The following MORC1 variants were observed in gnomAD, a reference collection of about 807,000 sequenced individuals.
The protein encoded by MORC1 is MORC family CW-type zinc finger 1.
A neutral mutation model predicts 134.9 loss-of-function variants in MORC1; 59 were observed. That is an observed-to-expected ratio of 0.44 (90% CI 0.35 to 0.54). The LOEUF is 0.54. Ranked by LOEUF, MORC1 falls within the 20% of genes least tolerant of loss-of-function variation. MORC1 has a pLI of 0.00. For missense variants in MORC1, 947 were observed against 1,134.5 expected (o/e 0.83, Z 2.37); for synonymous variants, 395 against 391.7 (o/e 1.01, Z -0.10).
chr3:109,110,143 T>C (rs1216520351), intron 3 of MORC1: 1 of 152,304 alleles, frequency 6.6e-6, no homozygotes. Flanking sequence ...TCATGGAGCA[T>C]ATCCTCTCAC....
chr3:109,040,563 C>G (rs1949514737), intron 14 of MORC1, among the ~76,000 whole-genome samples: 1 of 151,870 alleles, frequency 6.6e-6, no homozygotes, highest in Non-Finnish European at 1.5e-5. Flanking sequence ...GGCACAGTGG[C>G]TCATGCCTGT....
chr3:109,078,756 GA>G (rs1950470628), intron 8 of MORC1, among the ~76,000 whole-genome samples: 1 of 151,720 alleles, frequency 6.6e-6, no homozygotes. Flanking sequence ...AAAGTCAATT[GA>G]AATAAATTTC....
chr3:109,072,960 C>T (rs867954215), intron 8 of MORC1, among the ~76,000 whole-genome samples: 1 of 38,196 alleles, frequency 2.6e-5, no homozygotes, highest in African/African-American at 5.4e-5. Context: ...CACACACACA[C>T]ACACATACAC....
intron 3 of MORC1, among the ~76,000 whole-genome samples, chr3:109,105,121 G>A (rs1428331366): frequency 2.6e-5 from 4 of 152,256 alleles, no homozygotes; most frequent in African/African-American, 7.2e-5. Context: ...GGTAGCTCAC[G>A]CCTGTAATCC....
At chr3:109,065,311 C>G (rs928780215) in intron 9 of MORC1, among the ~76,000 whole-genome samples, 2 of 152,168 alleles carry the variant, frequency 1.3e-5, no homozygotes, top group Admixed American at 1.3e-4. Flanking sequence ...GCCCAATCTA[C>G]TTCGATCTGT....
chr3:108,982,800 C>T (rs1947778034), intron 23 of MORC1, among the ~76,000 whole-genome samples: 1 of 151,454 alleles, frequency 6.6e-6, no homozygotes, highest in South Asian at 2.1e-4. Context: ...ACATTTTCAC[C>T]AGCCCAAAAA....
intron 16 of MORC1, among the ~76,000 whole-genome samples, chr3:109,031,043 A>G (rs113694920): frequency 1.6e-4 from 25 of 152,316 alleles, no homozygotes; most frequent in African/African-American, 4.8e-4. Flanking sequence ...CAATTTTACA[A>G]TGCTCTGAGG....
rs185025521 is a variant in MORC1, at chr3:109,065,943, T to C, written c.816-2712A>G. Among the ~76,000 whole-genome samples the C allele has an allele frequency of 1.9e-3, 296 of 152,182 alleles. 3 individuals are homozygous for C. Among genetic ancestry groups the C allele is most frequent in the African/African-American group, 6.8e-3 (284 of 41,508 alleles). ...AAAAACAAGTACCTCATAGTCCCAT[T>C]TATAAGTGGGAGCTACACACTGAGC... is the stretch of plus-strand genomic sequence containing the variant. On this transcript the variant is annotated intron_variant, in intron 9 of 27. Transcript: ENST00000232603.
chr3:108,960,820 A>C (rs953176061), intron 27 of MORC1, among the ~76,000 whole-genome samples: 7 of 152,200 alleles, frequency 4.6e-5, no homozygotes, highest in African/African-American at 1.7e-4. Flanking sequence ...ATCTTTAAAA[A>C]AAAATCTGTA....
At chr3:109,062,093 A>G (rs1337605944) in intron 10 of MORC1, 35 bp from the exon 11 acceptor site, 1 of 1,589,260 alleles carries the variant, frequency 6.3e-7, no homozygotes, top group Admixed American at 1.7e-5. Flanking sequence ...TAACACAGCA[A>G]AATTATTTCA....
chr3:109,051,211 A>C (rs747772515), intron 14 of MORC1, among the ~76,000 whole-genome samples: 3 of 152,176 alleles, frequency 2.0e-5, no homozygotes, highest in Non-Finnish European at 4.4e-5. Context: ...AAATGACACA[A>C]AGTCATTACC....
chr3:108,980,176 G>A (rs931065180), intron 23 of MORC1, among the ~76,000 whole-genome samples: 36 of 151,774 alleles, frequency 2.4e-4, no homozygotes, highest in Admixed American at 2.0e-3. Flanking sequence ...TACCTACATA[G>A]TCCTTTAGAA....
chr3:108,981,922 A>G (rs914889837), intron 23 of MORC1, among the ~76,000 whole-genome samples: 3 of 152,226 alleles, frequency 2.0e-5, no homozygotes, highest in African/African-American at 7.2e-5. Flanking sequence ...TAATTAAACT[A>G]AAGAGCTTCT....
intron 16 of MORC1, among the ~76,000 whole-genome samples, chr3:109,028,663 A>AT (rs1949153893): frequency 6.6e-6 from 1 of 152,116 alleles, no homozygotes; most frequent in Non-Finnish European, 1.5e-5. Flanking sequence ...GTTTGAGGCC[A>AT]TTTTTCCTTT....
In MORC1 at chr3:109,027,775, A is replaced by G. The variant is rs752151255; in HGVS notation, c.1680T>C (p.Asn560=). The G allele has an allele frequency of 6.2e-7, 1 of 1,613,872 alleles. No individual in the cohort carries two copies. Residue 560 remains asparagine, a synonymous_variant, in exon 17 of 28, where the codon AAT becomes AAC. Coordinates refer to ENST00000232603, the MANE Select transcript of MORC1 (RefSeq NM_014429.4). ...CCTGTGGCTGCTGTTCTGCCAGTCT[A>G]TTTTGATACTTTATGACCGACTCTC... ...QLRESVIKYQ[N]RLAEQQPQPQ...
chr3:108,975,655 T>C (rs1159027432), intron 24 of MORC1, among the ~76,000 whole-genome samples: 1 of 152,164 alleles, frequency 6.6e-6, no homozygotes, highest in Non-Finnish European at 1.5e-5. Context: ...ATGGTGATAA[T>C]AAAAATATCT....
At chr3:109,060,009 T>G (rs1458364732) in intron 11 of MORC1, 139 bp from the exon 12 acceptor site, 1 of 654,128 alleles carries the variant, frequency 1.5e-6, no homozygotes, top group Non-Finnish European at 2.5e-6. Flanking sequence ...TCATAGATTC[T>G]CAATACTTGA....
chr3:109,009,193 T>C (rs964860774), intron 17 of MORC1, among the ~76,000 whole-genome samples: 7 of 150,760 alleles, frequency 4.6e-5, no homozygotes, highest in Non-Finnish European at 8.8e-5. Flanking sequence ...TTTCCTATTT[T>C]TACGTTTTTT....
At chr3:109,102,666 G>C (rs528252956) in intron 4 of MORC1, among the ~76,000 whole-genome samples, 1 of 152,012 alleles carries the variant, frequency 6.6e-6, no homozygotes, top group Non-Finnish European at 1.5e-5. Flanking sequence ...ACTTGTCTGT[G>C]TTTCAAACAT....
Sources: allele counts gnomAD v4.1 joint callset (sites outside exome capture counted in the v4.1 genomes callset), GRCh38; gene constraint gnomAD v4.1.1; transcripts MANE v1.5; gene names NCBI Gene and HGNC (gene_info 2026-07-23, HGNC 2026-07-21).